LAMA2: variants seen among roughly 807,000 people sequenced by gnomAD.
LAMA2 encodes the protein laminin subunit alpha-2.
A neutral mutation model predicts 364.8 loss-of-function variants in LAMA2; 269 were observed. The observed-to-expected ratio is 0.74, with a 90% CI of 0.67 to 0.82. The LOEUF (loss-of-function observed/expected upper bound fraction) is 0.82. LAMA2 is among the 40% of genes least tolerant of loss of function. The probability of loss-of-function intolerance (pLI) is 0.00; values close to 1 mark genes in which losing one functional copy is unlikely to be tolerated. For missense variants in LAMA2, 3,807 were observed against 3,873.2 expected (o/e 0.98, Z 0.45); for synonymous variants, 1,379 against 1,370.6 (o/e 1.01, Z -0.14).
intron 1 of LAMA2, among the ~76,000 whole-genome samples, chr6:128,949,877 A>G (rs1260689434): frequency 1.3e-5 from 2 of 152,188 alleles, no homozygotes; most frequent in Non-Finnish European, 2.9e-5. Flanking sequence ...CAAGTGTTAA[A>G]GATGAACCAG....
At chr6:128,897,290 TTCAGC>T (rs199766113) in intron 1 of LAMA2, among the ~76,000 whole-genome samples, 3,777 of 152,322 alleles carry the variant, frequency 0.025, 87 homozygotes, top group South Asian at 0.062. Context: ...GCCATTTAGA[TTCAGC>T]ACTATGTCCT....
At chr6:129,220,318 TGCTTACCACTGCTCTTGGTAAGA>T (rs1302654256) in intron 12 of LAMA2, among the ~76,000 whole-genome samples, 1 of 152,194 alleles carries the variant, frequency 6.6e-6, no homozygotes, top group African/African-American at 2.4e-5. Flanking sequence ...AAAACACTAG[TGCTTACCACTGCTCTTGGTAAGA>T]GCTTTCCTTC....
At chr6:128,897,976 A>G (rs1281655915) in intron 1 of LAMA2, among the ~76,000 whole-genome samples, 1 of 152,210 alleles carries the variant, frequency 6.6e-6, no homozygotes, top group Non-Finnish European at 1.5e-5. Context: ...GTGCTGTTGC[A>G]ATAGTGCTGT....
intron 16 of LAMA2, 148 bp from the exon 17 acceptor site, chr6:129,270,476 T>C: frequency 1.4e-6 from 1 of 729,032 alleles, no homozygotes; most frequent in Non-Finnish European, 2.4e-6. Context: ...CTTTCAATGC[T>C]ATTTCTCTGC....
intron 38 of LAMA2, 96 bp from the exon 39 acceptor site, chr6:129,402,225 AAAC>A: frequency 3.2e-6 from 3 of 923,554 alleles, no homozygotes; most frequent in East Asian, 2.7e-5. Flanking sequence ...AAAAAAAAAA[AAAC>A]TAAACTAAAC....
chr6:129,194,021 A>T (rs1781692567), intron 12 of LAMA2, among the ~76,000 whole-genome samples: 1 of 152,190 alleles, frequency 6.6e-6, no homozygotes, highest in African/African-American at 2.4e-5. Context: ...AGTATGTTGC[A>T]TAAAATTCAA....
At chr6:129,026,415 A>C (rs2114724801) in intron 1 of LAMA2, among the ~76,000 whole-genome samples, 1 of 152,304 alleles carries the variant, frequency 6.6e-6, no homozygotes, top group South Asian at 2.1e-4. Context: ...ATGCACTAAA[A>C]TTGAGTCTAA....
intron 1 of LAMA2, among the ~76,000 whole-genome samples, chr6:128,912,831 A>G (rs1024667970): frequency 2.6e-5 from 4 of 152,224 alleles, no homozygotes; most frequent in East Asian, 1.9e-4. Context: ...TAACAGGAAC[A>G]GGGCAGTTTC....
At chr6:129,023,431 G>C (rs546618000) in intron 1 of LAMA2, among the ~76,000 whole-genome samples, 1 of 152,192 alleles carries the variant, frequency 6.6e-6, no homozygotes, top group South Asian at 2.1e-4. Flanking sequence ...CATAGAGTCT[G>C]ATTGTGTACT....
intron 32 of LAMA2, among the ~76,000 whole-genome samples, 198 bp from the exon 33 acceptor site, chr6:129,366,021 T>C (rs973219379): frequency 2.0e-5 from 3 of 152,216 alleles, no homozygotes; most frequent in African/African-American, 7.2e-5. Context: ...CTGGGCGACA[T>C]GCATATCTGT....
At chr6:128,923,950 G>A (rs1778918209) in intron 1 of LAMA2, among the ~76,000 whole-genome samples, 2 of 152,072 alleles carry the variant, frequency 1.3e-5, no homozygotes, top group African/African-American at 4.8e-5. Context: ...GCTTCAGCTA[G>A]GAAGTCATAG....
intron 1 of LAMA2, among the ~76,000 whole-genome samples, chr6:128,911,366 A>C (rs546188598): frequency 6.6e-6 from 1 of 152,182 alleles, no homozygotes; most frequent in Middle Eastern, 3.2e-3. Flanking sequence ...CCCGTCGGAA[A>C]GGCGCAGTAT....
At chr6:129,478,363 G>A (rs746322206) in intron 53 of LAMA2, among the ~76,000 whole-genome samples, 26 of 151,896 alleles carry the variant, frequency 1.7e-4, no homozygotes, top group Admixed American at 3.9e-4. Flanking sequence ...CTTCTCTTTG[G>A]TGAAAAAAAT....
intron 40 of LAMA2, among the ~76,000 whole-genome samples, chr6:129,409,167 C>T (rs1219252591): frequency 6.6e-6 from 1 of 152,218 alleles, no homozygotes; most frequent in African/African-American, 2.4e-5. Context: ...GAAGACTTCC[C>T]TTTGCTACTG....
At chr6:129,346,386 A>G (rs1776553696) in intron 30 of LAMA2, among the ~76,000 whole-genome samples, 1 of 152,232 alleles carries the variant, frequency 6.6e-6, no homozygotes, top group Non-Finnish European at 1.5e-5. Context: ...TACCTCTGCC[A>G]CAAAACCTAT....
At chr6:129,341,263 G>A (rs1267822944) in intron 29 of LAMA2, among the ~76,000 whole-genome samples, 1 of 152,162 alleles carries the variant, frequency 6.6e-6, no homozygotes, top group Non-Finnish European at 1.5e-5. Flanking sequence ...TCAAGCTGGC[G>A]GCTTCGTGGC....
At chr6:129,323,327 C>T (rs1000069880) in intron 28 of LAMA2, among the ~76,000 whole-genome samples, 9 of 152,164 alleles carry the variant, frequency 5.9e-5, no homozygotes, top group Admixed American at 4.6e-4. Context: ...GAGACATCTG[C>T]ATCTACAGGC....
intron 37 of LAMA2, among the ~76,000 whole-genome samples, chr6:129,397,021 G>C (rs957655705): frequency 2.0e-5 from 3 of 149,490 alleles, no homozygotes; most frequent in Non-Finnish European, 4.4e-5. Flanking sequence ...GAAAATAAAA[G>C]AAAACAATAA....
At chr6:129,075,904 C>T (rs572555271) in intron 3 of LAMA2, among the ~76,000 whole-genome samples, 4 of 151,822 alleles carry the variant, frequency 2.6e-5, no homozygotes, top group East Asian at 1.9e-4. Context: ...GCAACCAGCC[C>T]GGGCAACAAA....
Sources: allele counts gnomAD v4.1 joint callset (sites outside exome capture counted in the v4.1 genomes callset), GRCh38; gene constraint gnomAD v4.1.1; transcripts MANE v1.5; gene names NCBI Gene and HGNC (gene_info 2026-07-23, HGNC 2026-07-21).